Variants in IFT172 observed in about 807,000 individuals in gnomAD.
IFT172 encodes the protein intraflagellar transport protein 172 homolog.
IFT172 carries 164 observed loss-of-function variants against 248.9 expected under a neutral mutation model. The observed-to-expected ratio is 0.66, with a 90% CI of 0.58 to 0.75. IFT172 has a LOEUF of 0.75. Ranked by LOEUF, IFT172 falls within the 30% of genes least tolerant of loss-of-function variation. The pLI is 0.00. For synonymous variants in IFT172, 729 were observed against 791.6 expected (o/e 0.92, Z 1.33); for missense variants, 1,950 against 2,192.4 (o/e 0.89, Z 2.21).
At chr2:27,480,921 G>A (rs908508063) in intron 8 of IFT172, 125 bp downstream of exon 8, 7 of 705,814 alleles carry the variant, frequency 9.9e-6, no homozygotes, top group East Asian at 2.7e-5. Context: ...AGAGGAAAGC[G>A]CATGAATTAC....
chr2:27,479,266 A>G (rs920123153), intron 10 of IFT172, among the ~76,000 whole-genome samples: 4 of 152,148 alleles, frequency 2.6e-5, no homozygotes, highest in Non-Finnish European at 2.9e-5. Context: ...CGGCCTCCCA[A>G]AGTGCTGGGA....
rs939248199 is a variant in IFT172 at position 27,467,307 on chromosome 2, T to A, written c.1693-1425A>T. Among the ~76,000 whole-genome samples, 10 of 149,088 alleles carry A rather than the reference T, an allele frequency of 6.7e-5. No individual in the cohort carries two copies. In the Admixed American group the frequency reaches 6.7e-4, roughly 10 times the overall value. On this transcript the variant is annotated intron_variant, in intron 16 of 47. Coordinates refer to ENST00000260570, the MANE Select transcript of IFT172 (RefSeq NM_015662.3). ...TTATCCAGAGGCCAGATGCAGTGGC[T>A]CATGCCTGTAATCCCAGCACTTTGG... is the stretch of plus-strand genomic sequence containing the variant.
At chr2:27,482,396 G>A (rs536023936) in intron 7 of IFT172, among the ~76,000 whole-genome samples, 14 of 151,322 alleles carry the variant, frequency 9.3e-5, no homozygotes, top group African/African-American at 3.2e-4. Context: ...AGGTTCAAGC[G>A]ATTCTCCTGC....
In IFT172 at chr2:27,472,368, G is replaced by A; in HGVS notation, c.1412-6C>T. The A allele has an allele frequency of 6.2e-7, 1 of 1,606,962 alleles. No individual in the cohort carries two copies. Among genetic ancestry groups the A allele is most frequent in the Non-Finnish European group, 8.5e-7 (1 of 1,173,824 alleles). On this transcript the variant is annotated splice_region_variant and splice_polypyrimidine_tract_variant and intron_variant, in intron 14 of 47. Transcript: ENST00000260570. ...GTAGCCACCAATCAGATCCACTATAGAATAAAGGAGACAGGGTTAAGAAGA... is the reference window on the plus strand; with the variant it reads ...GTAGCCACCAATCAGATCCACTATAAAATAAAGGAGACAGGGTTAAGAAGA...
At chr2:27,481,592 A>C (rs1668379820) in intron 7 of IFT172, among the ~76,000 whole-genome samples, 1 of 148,762 alleles carries the variant, frequency 6.7e-6, no homozygotes, top group Non-Finnish European at 1.5e-5. Context: ...CCCAGGCTGG[A>C]GTGCAGTGGC....
Position 27,461,879 on chromosome 2 carries a change from T to G in IFT172, c.2116-43A>C, listed in dbSNP as rs111679731. 1.3e-4 allele frequency: 216 copies of G among 1,610,262 alleles called. 2 individuals are homozygous for G. In the African/African-American group the frequency reaches 2.4e-3, roughly 18 times the overall value. On this transcript the variant is annotated intron_variant, in intron 20 of 47. Coordinates refer to ENST00000260570, the MANE Select transcript of IFT172 (RefSeq NM_015662.3). ...AGCAGAGAGGGACACCAGAAAGATA[T>G]GAGGATCAGAAAGCAGCAAGCTCTC... is the stretch of plus-strand genomic sequence containing the variant.
At chr2:27,465,225 A>G (rs1666998171) in intron 18 of IFT172, 186 bp downstream of exon 18, 1 of 614,074 alleles carries the variant, frequency 1.6e-6, no homozygotes, top group Non-Finnish European at 2.9e-6. Flanking sequence ...TGGTCAAGGC[A>G]TACTCTTATA....
chr2:27,472,144 A>G, intron 15 of IFT172, 106 bp downstream of exon 15: 2 of 795,066 alleles, frequency 2.5e-6, no homozygotes, highest in Non-Finnish European at 2.3e-6. Flanking sequence ...TTGATGACAC[A>G]GCAAAGACAA....
At chr2:27,449,218 A>T (rs1327769435) in intron 39 of IFT172, 76 bp downstream of exon 39, 3 of 1,555,916 alleles carry the variant, frequency 1.9e-6, no homozygotes, top group Non-Finnish European at 8.9e-7. Context: ...TGGAGGTAGA[A>T]GAGATGCATC....
In IFT172 at chr2:27,483,664, A is replaced by T. The variant is rs1208752979; in HGVS notation, c.403-5T>A. 1.2e-6 allele frequency: 2 copies of T among 1,613,882 alleles called. No individual in the cohort carries two copies. The highest frequency in any genetic ancestry group is 1.7e-6 in the Non-Finnish European group (2 of 1,179,828). ...TTTGGTGTTTGCTAAACGAACCTGA[A>T]AATGGAAAAATTGATACAAGTATGG... On this transcript the variant is annotated splice_polypyrimidine_tract_variant and splice_region_variant and intron_variant, in intron 5 of 47. Coordinates refer to ENST00000260570, the MANE Select transcript of IFT172 (RefSeq NM_015662.3).
At chr2:27,462,815 C>G in intron 19 of IFT172, 22 bp from the exon 20 acceptor site, 1 of 1,609,996 alleles carries the variant, frequency 6.2e-7, no homozygotes, top group Non-Finnish European at 8.5e-7. Context: ...AAAGGAGGTT[C>G]TGATTTTTCT....
intron 42 of IFT172, among the ~76,000 whole-genome samples, chr2:27,446,680 ATTTTTTTTTTTT>A (rs766069964): frequency 5.8e-4 from 47 of 80,464 alleles, no homozygotes; most frequent in African/African-American, 2.2e-3. Flanking sequence ...TGCCTGGCTA[ATTTTTTTTTTTT>A]TTTTTTTTTT....
chr2:27,479,501 C>T lies in IFT172; in HGVS notation c.1005+8G>A, dbSNP rs1668201921. 6.5e-7 allele frequency: 1 copy of T among 1,542,178 alleles called. No homozygotes were observed. Among genetic ancestry groups the T allele is most frequent in the African/African-American group, 1.4e-5 (1 of 73,564 alleles). On this transcript the variant is annotated splice_region_variant and intron_variant, in intron 10 of 47. Coordinates refer to ENST00000260570, the MANE Select transcript of IFT172 (RefSeq NM_015662.3). ...GTTCTCAGTGCAGTAGGCTACCATC[C>T]TGCTTACCTGGCTAGGTCCCACATA...
intron 14 of IFT172, chr2:27,475,602 T>C (rs1203803602): frequency 6.6e-6 from 1 of 152,124 alleles, no homozygotes. Context: ...GCAAGAAAAA[T>C]ATCATTATTT....
At chr2:27,467,767 G>A (rs1437244925) in intron 16 of IFT172, among the ~76,000 whole-genome samples, 1 of 152,062 alleles carries the variant, frequency 6.6e-6, no homozygotes, top group East Asian at 1.9e-4. Flanking sequence ...CTGAGGAGAA[G>A]AACGTTCAAA....
At chr2:27,450,508 C>A (rs1043156091) in intron 35 of IFT172, among the ~76,000 whole-genome samples, 58 of 152,282 alleles carry the variant, frequency 3.8e-4, no homozygotes, top group African/African-American at 1.3e-3. Context: ...TTCATTCACA[C>A]ACACTGGATT....
At chr2:27,465,698 A>G in intron 17 of IFT172, 48 bp downstream of exon 17, 1 of 1,612,338 alleles carries the variant, frequency 6.2e-7, no homozygotes, top group Non-Finnish European at 8.5e-7. Flanking sequence ...CTCCCCTCTC[A>G]GAACCAGACT....
In IFT172 at chr2:27,456,586, C is replaced by A. The variant is rs746791122; in HGVS notation, c.3296G>T (p.Gly1099Val). The A allele has an allele frequency of 6.2e-7, 1 of 1,614,168 alleles. No individual in the cohort carries two copies. The highest frequency in any genetic ancestry group is 1.1e-5 in the South Asian group (1 of 91,080). ...HVAYLWAKSL[G>V]GEAAVRLLNK... is the part of the protein sequence containing the mutation. ...AAGCAGTCTAACTGCAGCCTCTCCT[C>A]CCAGGCTCTTTGCCCACAGATAGGC... Residue 1099 changes from glycine (G) to valine (V), a missense_variant, in exon 30 of 48, where the codon GGA becomes GTA. Physicochemically the swap from Gly to Val is moderately radical, Grantham distance 109. Coordinates refer to ENST00000260570, the MANE Select transcript of IFT172 (RefSeq NM_015662.3).
At chr2:27,484,344 C>A (rs1668594728) in intron 3 of IFT172, 78 bp from the exon 4 acceptor site, 1 of 1,510,498 alleles carries the variant, frequency 6.6e-7, no homozygotes, top group African/African-American at 1.4e-5. Context: ...GTAATCCCAG[C>A]ACTTTGGGAG....
Sources: allele counts gnomAD v4.1 joint callset (sites outside exome capture counted in the v4.1 genomes callset), GRCh38; gene constraint gnomAD v4.1.1; transcripts MANE v1.5; gene names NCBI Gene and HGNC (gene_info 2026-07-23, HGNC 2026-07-21).